Variants in HS3ST5 observed in about 807,000 individuals in gnomAD.
HS3ST5 encodes heparan sulfate glucosamine 3-O-sulfotransferase 5.
Under a neutral mutation model 25.4 loss-of-function variants are expected in HS3ST5, and 10 were observed. The observed-to-expected ratio is 0.39, with a 90% CI of 0.24 to 0.67. The LOEUF is 0.67. HS3ST5 is among the 30% of genes least tolerant of loss of function. The pLI is 0.44. For missense variants in HS3ST5, 324 were observed against 420.7 expected, an observed-to-expected ratio of 0.77 and a Z score of 2.01; for synonymous variants, 170 against 162.4, an observed-to-expected ratio of 1.05 and a Z score of -0.36.
At chr6:114,096,617 G>A (rs1775440487) in intron 3 of HS3ST5, among the ~76,000 whole-genome samples, 1 of 152,130 alleles carries the variant, frequency 6.6e-6, no homozygotes, top group Non-Finnish European at 1.5e-5. Context: ...TACATAAAGG[G>A]AAGTCAACTT....
chr6:114,298,684 C>T (rs958897767), intron 1 of HS3ST5, among the ~76,000 whole-genome samples: 9 of 152,180 alleles, frequency 5.9e-5, no homozygotes, highest in South Asian at 2.1e-4. Flanking sequence ...GGAAGAAGAA[C>T]GTGGATTGTG....
At chr6:114,215,721 C>T (rs1781728067) in intron 2 of HS3ST5, among the ~76,000 whole-genome samples, 1 of 152,170 alleles carries the variant, frequency 6.6e-6, no homozygotes, top group South Asian at 2.1e-4. Flanking sequence ...AGTCTATTGC[C>T]CCTATGCCAC....
chr6:114,084,682 C>A (rs2114774709), intron 3 of HS3ST5: 5 of 1,254,874 alleles, frequency 4.0e-6, no homozygotes. Context: ...GGTCAGTAAC[C>A]ACAAGAAGCC....
At chr6:114,333,394 G>C (rs1776482116) in intron 1 of HS3ST5, among the ~76,000 whole-genome samples, 1 of 152,130 alleles carries the variant, frequency 6.6e-6, no homozygotes, top group Non-Finnish European at 1.5e-5. Context: ...CCTTAAAAAA[G>C]TAATGGTGTA....
chr6:114,157,501 A>G (rs1252489704), intron 3 of HS3ST5, among the ~76,000 whole-genome samples: 1 of 152,180 alleles, frequency 6.6e-6, no homozygotes, highest in African/African-American at 2.4e-5. Context: ...AGTTTGGGAG[A>G]TTTATTACAC....
intron 3 of HS3ST5, chr6:114,084,448 A>T: frequency 1.3e-6 from 1 of 756,902 alleles, no homozygotes; most frequent in Non-Finnish European, 2.4e-6. Flanking sequence ...ATCTCTGTAG[A>T]AGTAGAGATC....
rs1293447864 is a variant in HS3ST5 at position 114,057,644 on chromosome 6, A to G, written c.654T>C (p.Asn218=). Residue 218 remains asparagine, a synonymous_variant, in exon 5 of 5, where the codon AAT becomes AAC. Transcript: ENST00000312719. ...YKFEKLAIDP[N]TCEVNTKYKA... is the part of the protein sequence containing the mutation. ...TGTATTTTGTGTTCACTTCGCATGTATTAGGGTCTATGGCCAGCTTCTCAA... is the reference window on the plus strand; with the variant it reads ...TGTATTTTGTGTTCACTTCGCATGTGTTAGGGTCTATGGCCAGCTTCTCAA... 24 of 1,614,006 alleles carry G rather than the reference A, an allele frequency of 1.5e-5. No individual in the cohort carries two copies. In the East Asian group the frequency reaches 4.7e-4, roughly 31 times the overall value.
chr6:114,087,465 ATGACATTAAGTTAC>A (rs1774896517), intron 3 of HS3ST5, among the ~76,000 whole-genome samples: 2 of 152,140 alleles, frequency 1.3e-5, no homozygotes, highest in South Asian at 4.1e-4. Context: ...TGTAATTGCC[ATGACATTAAGTTAC>A]TGACATTAAG....
At chr6:114,187,753 A>G (rs996181039) in intron 2 of HS3ST5, among the ~76,000 whole-genome samples, 1 of 152,202 alleles carries the variant, frequency 6.6e-6, no homozygotes, top group African/African-American at 2.4e-5. Flanking sequence ...ATAGCATCAC[A>G]TGCTACAGAT....
At chr6:114,110,092 T>C (rs1041187909) in intron 3 of HS3ST5, among the ~76,000 whole-genome samples, 2 of 152,190 alleles carry the variant, frequency 1.3e-5, no homozygotes, top group Non-Finnish European at 2.9e-5. Context: ...CATTTACATA[T>C]ACACACATTT....
chr6:114,323,833 G>C (rs1268392205), intron 1 of HS3ST5, among the ~76,000 whole-genome samples: 1 of 152,088 alleles, frequency 6.6e-6, no homozygotes, highest in Non-Finnish European at 1.5e-5. Flanking sequence ...TTTGAGACAG[G>C]GTGTTTCGAA....
chr6:114,314,440 G>A (rs1458092450), intron 1 of HS3ST5, among the ~76,000 whole-genome samples: 2 of 152,202 alleles, frequency 1.3e-5, no homozygotes, highest in Non-Finnish European at 2.9e-5. Context: ...TCAATATGGA[G>A]CAAATGTTGA....
intron 3 of HS3ST5, among the ~76,000 whole-genome samples, chr6:114,152,764 G>C (rs1164978940): frequency 6.6e-6 from 1 of 152,178 alleles, no homozygotes; most frequent in African/African-American, 2.4e-5. Flanking sequence ...CAAGTGGCCT[G>C]CCCCTTGAGC....
chr6:114,289,793 C>G (rs1465551060), intron 1 of HS3ST5, among the ~76,000 whole-genome samples: 1 of 152,110 alleles, frequency 6.6e-6, no homozygotes, highest in East Asian at 1.9e-4. Context: ...GAGCTGAACT[C>G]AGGAAAGTTA....
intron 2 of HS3ST5, among the ~76,000 whole-genome samples, chr6:114,207,839 C>A (rs1402011126): frequency 2.6e-5 from 4 of 152,058 alleles, no homozygotes; most frequent in African/African-American, 9.7e-5. Context: ...CCATTCTATA[C>A]CATATGTCTT....
At chr6:114,279,140 C>T (rs775912925) in intron 1 of HS3ST5, among the ~76,000 whole-genome samples, 27 of 151,840 alleles carry the variant, frequency 1.8e-4, no homozygotes, top group South Asian at 6.2e-4. Context: ...ATTCCAAGTT[C>T]GTATTTTTTA....
chr6:114,214,096 G>T (rs575811948), intron 2 of HS3ST5, among the ~76,000 whole-genome samples: 2 of 151,934 alleles, frequency 1.3e-5, no homozygotes, highest in Non-Finnish European at 2.9e-5. Context: ...GCTTTATTTC[G>T]CCAACTGAAG....
At chr6:114,147,769 CAG>C (rs1315767101) in intron 3 of HS3ST5, among the ~76,000 whole-genome samples, 2 of 152,024 alleles carry the variant, frequency 1.3e-5, no homozygotes, top group Non-Finnish European at 2.9e-5. Context: ...TTAGTAGAGA[CAG>C]GGTTTTACCA....
At chr6:114,173,784 G>A (rs879801477) in intron 2 of HS3ST5, among the ~76,000 whole-genome samples, 2 of 152,062 alleles carry the variant, frequency 1.3e-5, no homozygotes, top group African/African-American at 4.8e-5. Flanking sequence ...ACTTGAACCC[G>A]GGAGGCAGAG....
Sources: gnomAD v4.1 joint callset for allele counts (sites outside exome capture counted in the v4.1 genomes callset) on GRCh38, gnomAD v4.1.1 for gene constraint, MANE v1.5 for transcripts, NCBI Gene and HGNC (gene_info 2026-07-23, HGNC 2026-07-21) for gene names.